DGKQ: variants seen among roughly 807,000 people sequenced by gnomAD.
DGKQ encodes the protein diacylglycerol kinase theta.
DGKQ carries 97 observed loss-of-function variants against 104.2 expected under a neutral mutation model. The observed-to-expected ratio is 0.93, with a 90% CI of 0.79 to 1.10. The LOEUF is 1.10. Ranked by LOEUF, DGKQ falls within the 50% of genes least tolerant of loss-of-function variation. The pLI is 0.00. For synonymous variants in DGKQ, 736 were observed against 595.2 expected, an observed-to-expected ratio of 1.24 and a Z score of -3.44; for missense variants, 1,465 against 1,352.1, an observed-to-expected ratio of 1.08 and a Z score of -1.31.
chr4:970,164 G>C (rs1227165043), intron 2 of DGKQ, among the ~76,000 whole-genome samples: 1 of 152,226 alleles, frequency 6.6e-6, no homozygotes, highest in South Asian at 2.1e-4. Context: ...TCAGACATTA[G>C]AGGGGACGGC....
intron 8 of DGKQ, 37 bp downstream of exon 8, chr4:967,512 G>A (rs1471858030): frequency 1.3e-6 from 2 of 1,594,768 alleles, no homozygotes; most frequent in African/African-American, 2.7e-5. Context: ...ATGCGGTCCT[G>A]GGAGGGGGCT....
intron 1 of DGKQ, among the ~76,000 whole-genome samples, chr4:972,748 T>C (rs977986311): frequency 2.0e-5 from 3 of 152,178 alleles, no homozygotes; most frequent in African/African-American, 7.2e-5. Context: ...CAGCAAGAGC[T>C]GGGCAGCTGG....
rs1018019289 is a variant in DGKQ, at chr4:960,379, G to A, written c.*241C>T. Reference sequence around the variant, plus strand: ...AGCCCTGCGCCCACCCGGGACACGGGGTAACACTGCCACCCGCACACCAGT... The same window carrying A: ...AGCCCTGCGCCCACCCGGGACACGGAGTAACACTGCCACCCGCACACCAGT... On this transcript the variant is annotated 3_prime_UTR_variant, in exon 23 of 23. Transcript: ENST00000273814. 5.5e-5 allele frequency: 32 copies of A among 576,736 alleles called. No homozygotes were observed. The highest frequency in any genetic ancestry group is 9.7e-5 in the Non-Finnish European group (31 of 320,930). The allele number at this position is 576,736 out of a possible 1,614,324, so 35.7% of individuals were successfully genotyped here.
At chr4:969,036 G>A (rs1712712522) in intron 2 of DGKQ, 126 bp from the exon 3 acceptor site, 2 of 605,736 alleles carry the variant, frequency 3.3e-6, no homozygotes, top group Non-Finnish European at 5.6e-6. Context: ...GGCTGAGCCA[G>A]CTGTGCTAGC....
rs1711996489 is a variant in DGKQ, at chr4:962,910, A to G, written c.1897T>C (p.Phe633Leu). The change falls in exon 17 of 23, where the codon TTC becomes CTC. Residue 633 changes from phenylalanine (F) to leucine (L), a missense_variant. By Grantham distance (22) the Phe-to-Leu change is conservative (BLOSUM62 0). Coordinates refer to ENST00000273814, the MANE Select transcript of DGKQ (RefSeq NM_001347.4). ...NGGPLPGLHL[F>L]SQVPCFRVLV... The stretch of plus-strand genomic sequence containing the variant: ...ACCCGGAAGCAGGGCACCTGGGAGA[A>G]CAGGTGGAGCCTAGCGGGAGACAGG... 6.2e-7 allele frequency: 1 copy of G among 1,608,880 alleles called. No individual in the cohort carries two copies. Among genetic ancestry groups the G allele is most frequent in the Non-Finnish European group, 8.5e-7 (1 of 1,178,306 alleles).
At position 973,383 on chromosome 4, in the gene DGKQ, G is replaced by A. The variant is rs1226774809; in HGVS notation, c.100C>T (p.Arg34Cys). ...ACSPVLGSGGRARPGPGPGPG... is the reference protein window; with the variant it reads ...ACSPVLGSGGCARPGPGPGPG... Reference sequence around the variant, plus strand: ...CCCGGCCCCGGCCCCGGGCGCGCGCGGCCTCCTGAGCCCAGCACGGGGCTG... The same window carrying A: ...CCCGGCCCCGGCCCCGGGCGCGCGCAGCCTCCTGAGCCCAGCACGGGGCTG... Residue 34 changes from arginine (R) to cysteine (C), a missense_variant, in exon 1 of 23, where the codon CGC becomes TGC. Arg to Cys is a radical substitution (Grantham distance 180). Coordinates refer to ENST00000273814, the MANE Select transcript of DGKQ (RefSeq NM_001347.4). 9.9e-6 allele frequency: 11 copies of A among 1,110,676 alleles called. No individual in the cohort carries two copies. Among genetic ancestry groups the A allele is most frequent in the East Asian group, 5.7e-5 (1 of 17,464 alleles). 68.8% of individuals were successfully genotyped at this position (1,110,676 alleles called of 1,614,324 possible).
Position 967,184 on chromosome 4 carries a change from T to A in DGKQ, c.1165A>T (p.Ile389Phe). The change falls in exon 9 of 23, where the codon ATC becomes TTC. Residue 389 changes from isoleucine to phenylalanine, a missense_variant. Physicochemically the swap from Ile to Phe is conservative, Grantham distance 21 (BLOSUM62 0). Transcript: ENST00000273814. ...TCCTGGGCCCGCGGCAGAGCCCGGA[T>A]GACCCAGGCCTCTGGCGTGGCCTCG... is the stretch of plus-strand genomic sequence containing the variant. ...SGEATPEAWV[I>F]RALPRAQEVL... 1 of 1,599,380 alleles carries A rather than the reference T, an allele frequency of 6.3e-7. No individual in the cohort carries two copies. The highest frequency in any genetic ancestry group is 8.5e-7 in the Non-Finnish European group (1 of 1,173,828).
chr4:973,324 C>G lies in DGKQ; in HGVS notation c.159G>C (p.Pro53=). Residue 53 remains proline, a synonymous_variant, in exon 1 of 23, where the codon CCG becomes CCC. Coordinates refer to ENST00000273814, the MANE Select transcript of DGKQ (RefSeq NM_001347.4). ...TGTGTCCCGGCGCGGCAGCGGGGCCCGGGGCTCTGACGCCCGCCCGCTCGG... is the reference window on the plus strand; with the variant it reads ...TGTGTCCCGGCGCGGCAGCGGGGCCGGGGGCTCTGACGCCCGCCCGCTCGG... The part of the protein sequence containing the change: ...PGPERAGVRA[P]GPAAAPGHSF... 6.9e-7 allele frequency: 1 copy of G among 1,445,296 alleles called. No individual in the cohort carries two copies. The highest frequency in any genetic ancestry group is 9.1e-7 in the Non-Finnish European group (1 of 1,093,312). 89.5% of individuals were successfully genotyped at this position (1,445,296 alleles called of 1,614,324 possible).
chr4:964,020 T>G (rs927413585), intron 15 of DGKQ: 2 of 154,540 alleles, frequency 1.3e-5, no homozygotes, highest in Admixed American at 6.5e-5. Flanking sequence ...AAGGACACAC[T>G]CGGGGCTTCG....
intron 14 of DGKQ, 38 bp from the exon 15 acceptor site, chr4:965,329 C>T (rs367670629): frequency 1.9e-6 from 3 of 1,592,718 alleles, no homozygotes; most frequent in Non-Finnish European, 2.6e-6. Flanking sequence ...GAGCCTGTCC[C>T]ATGGCCCCCA....
chr4:966,258 G>A (rs1180698532), intron 12 of DGKQ, 180 bp from the exon 13 acceptor site: 67 of 845,970 alleles, frequency 7.9e-5, no homozygotes, highest in South Asian at 1.2e-4. Flanking sequence ...ACCCCTGTCC[G>A]TTCCCCTCGA....
chr4:964,397 G>A (rs375531265), intron 15 of DGKQ, among the ~76,000 whole-genome samples: 1 of 152,224 alleles, frequency 6.6e-6, no homozygotes, highest in African/African-American at 2.4e-5. Context: ...GGGACCCTTT[G>A]GGGGCTAGAT....
chr4:967,504 GC>G, intron 8 of DGKQ, 44 bp downstream of exon 8: 1 of 1,580,778 alleles, frequency 6.3e-7, no homozygotes, highest in Non-Finnish European at 8.6e-7. Flanking sequence ...GCGGGGACAT[GC>G]GGTCCTGGGA....
chr4:971,237 C>T lies in DGKQ; in HGVS notation c.272-165G>A, dbSNP rs1178991424. Reference sequence around the variant, plus strand: ...CACCCTGCCCACTCATTGGAGAGAGCCTGCAGCCCAGGAGCCCAGGAGCAA... The same window carrying T: ...CACCCTGCCCACTCATTGGAGAGAGTCTGCAGCCCAGGAGCCCAGGAGCAA... On this transcript the variant is annotated intron_variant, in intron 1 of 22. Coordinates refer to ENST00000273814, the MANE Select transcript of DGKQ (RefSeq NM_001347.4). This position sits in a 1 kb window ranked among gnomAD's most constrained non-coding sequence, Gnocchi z 4.0. Among the ~76,000 whole-genome samples the T allele has an allele frequency of 6.6e-6, 1 of 152,164 alleles. No homozygotes were observed. Among genetic ancestry groups the T allele is most frequent in the African/African-American group, 2.4e-5 (1 of 41,422 alleles).
rs746134010 is a variant in DGKQ, at chr4:961,584, G to C, written c.2463-6C>G. On this transcript the variant is annotated splice_region_variant and splice_polypyrimidine_tract_variant and intron_variant, in intron 20 of 22. Coordinates refer to ENST00000273814, the MANE Select transcript of DGKQ (RefSeq NM_001347.4). ...GGTCGGCCCCCGAGCCCCAGCTGCCGCATAAGAGAGCGGGCACAGAGGTGT... is the reference window on the plus strand; with the variant it reads ...GGTCGGCCCCCGAGCCCCAGCTGCCCCATAAGAGAGCGGGCACAGAGGTGT... 15 of 1,608,962 alleles carry C rather than the reference G, an allele frequency of 9.3e-6. No homozygotes were observed. The Middle Eastern group carries it at 5.0e-4, about 54-fold the overall frequency.
intron 16 of DGKQ, 49 bp downstream of exon 16, chr4:963,090 C>A: frequency 6.5e-7 from 1 of 1,547,208 alleles, no homozygotes; most frequent in East Asian, 2.3e-5. Flanking sequence ...CTCCTGGGGC[C>A]CTTCCCGCCC....
intron 13 of DGKQ, 54 bp from the exon 14 acceptor site, chr4:965,583 G>T: frequency 6.3e-7 from 1 of 1,594,066 alleles, no homozygotes. Context: ...ACACAGCACT[G>T]GGGCCAGGGA....
Position 973,526 on chromosome 4 carries a change from G to T in DGKQ, c.-44C>A, listed in dbSNP as rs1713114453. ...GAGCCCCTTTAGGTCCGCGCCGGGG[G>T]TACAGGAGCCGCCGCTCCACGGCCC... is the stretch of plus-strand genomic sequence containing the variant. On this transcript the variant is annotated 5_prime_UTR_variant, in exon 1 of 23. Transcript: ENST00000273814. 8.1e-6 allele frequency: 8 copies of T among 985,584 alleles called. No individual in the cohort carries two copies. The highest frequency in any genetic ancestry group is 4.7e-5 in the South Asian group (1 of 21,236). The allele number at this position is 985,584 out of a possible 1,614,324, so 61.1% of individuals were successfully genotyped here.
chr4:964,302 G>C (rs34406303), intron 15 of DGKQ, among the ~76,000 whole-genome samples: 9,351 of 152,312 alleles, frequency 0.061, 418 homozygotes, highest in Non-Finnish European at 0.09. Context: ...CATTCTGCTC[G>C]AGTTCTGCTT....
Sources: allele counts gnomAD v4.1 joint callset (sites outside exome capture counted in the v4.1 genomes callset), GRCh38; gene constraint gnomAD v4.1.1; non-coding constraint Gnocchi (gnomAD v3.1); transcripts MANE v1.5; gene names NCBI Gene and HGNC (gene_info 2026-07-23, HGNC 2026-07-21).